The following COQ3 variants were observed in gnomAD, a reference collection of about 807,000 sequenced individuals.
The protein encoded by COQ3 is ubiquinone biosynthesis O-methyltransferase, mitochondrial.
In COQ3, 29 loss-of-function variants were observed where a neutral mutation model predicts 33.1. The ratio of observed to expected loss-of-function variants is 0.88; its 90% confidence interval spans 0.65 to 1.19. COQ3 has a LOEUF of 1.19. Ranked by LOEUF, COQ3 falls within the 50% of genes most tolerant of loss-of-function variation. The probability of loss-of-function intolerance (pLI) is 0.00; values close to 1 mark genes in which losing one functional copy is unlikely to be tolerated. For missense variants in COQ3, 437 were observed against 430.7 expected, an observed-to-expected ratio of 1.01 and a Z score of -0.13; for synonymous variants, 173 against 157.8, an observed-to-expected ratio of 1.10 and a Z score of -0.72.
chr6:99,385,223 C>A (rs961719510), intron 1 of COQ3, among the ~76,000 whole-genome samples: 3 of 152,206 alleles, frequency 2.0e-5, no homozygotes, highest in Admixed American at 6.5e-5. Context: ...CAACACTCTT[C>A]TCTCAGTAAT....
Position 99,377,040 on chromosome 6 carries a change from CT to C in COQ3, c.486+345del, listed in dbSNP as rs1774304999. Among the ~76,000 whole-genome samples the C allele has an allele frequency of 2.0e-5, 3 of 149,960 alleles. No individual in the cohort carries two copies. In the South Asian group the frequency reaches 6.4e-4, roughly 32 times the overall value. ...TGTGTGTGTATGTGTGACAGAGTCT[CT>C]CTCTGTTGCCCAGGCTGGAGTGCAG... On this transcript the variant is annotated intron_variant, in intron 4 of 6. Transcript: ENST00000254759.
rs773964144 is a variant in COQ3 at position 99,371,536 on chromosome 6, C to G, written c.781G>C (p.Ala261Pro). 6.2e-7 allele frequency: 1 copy of G among 1,607,428 alleles called. No individual in the cohort carries two copies. Among genetic ancestry groups the G allele is most frequent in the Non-Finnish European group, 8.5e-7 (1 of 1,176,786 alleles). Residue 261 changes from alanine (A) to proline (P), a missense_variant, in exon 6 of 7, where the codon GCC becomes CCC. Physicochemically the swap from Ala to Pro is conservative, Grantham distance 27. Transcript: ENST00000254759. ...TGCTCTGAAAAAACAATTCCCAAGG[C>G]ATAGGAAAGTTGTGTTTTGTTGATT... ...TTINKTQLSYALGIVFSEQIA... is the reference protein window; with the variant it reads ...TTINKTQLSYPLGIVFSEQIA...
chr6:99,378,249 A>G (rs1456399273), intron 3 of COQ3, among the ~76,000 whole-genome samples: 1 of 150,576 alleles, frequency 6.6e-6, no homozygotes, highest in Non-Finnish European at 1.5e-5. Flanking sequence ...ATATCTTAAG[A>G]TATCTTCTAT....
chr6:99,372,390 G>A (rs1482279735), intron 5 of COQ3, among the ~76,000 whole-genome samples: 4 of 151,992 alleles, frequency 2.6e-5, no homozygotes, highest in Non-Finnish European at 5.9e-5. Flanking sequence ...GCACCAGGAT[G>A]AATGCAAAGG....
At chr6:99,382,560 C>T (rs1181279902) in intron 2 of COQ3, among the ~76,000 whole-genome samples, 1 of 152,120 alleles carries the variant, frequency 6.6e-6, no homozygotes, top group Non-Finnish European at 1.5e-5. Context: ...GACTAATTTA[C>T]AATAGGTAAC....
chr6:99,385,976 C>CAAAA (rs61403627), intron 1 of COQ3, among the ~76,000 whole-genome samples: 11 of 97,738 alleles, frequency 1.1e-4, no homozygotes, highest in East Asian at 3.3e-4. Flanking sequence ...GACTCTGTCT[C>CAAAA]AAAAAAAAAA....
chr6:99,373,171 A>G (rs781649855), intron 5 of COQ3, among the ~76,000 whole-genome samples: 1 of 152,172 alleles, frequency 6.6e-6, no homozygotes, highest in Non-Finnish European at 1.5e-5. Context: ...ATGGTGGCTC[A>G]TGCCTATAAT....
chr6:99,383,794 A>C lies in COQ3; in HGVS notation c.137T>G (p.Leu46Arg), dbSNP rs1209330982. Residue 46 changes from leucine to arginine, a missense_variant, in exon 2 of 7, where the codon CTA (leucine) becomes CGA (arginine). Transcript: ENST00000254759. ...ATTGAAAACCCCTGGTTTAATCTGT[A>C]GAGTCCCACTGAGCTGGTTCTTCAC... ...VYVKNQLSGT[L>R]QIKPGVFNEY... 1.3e-6 allele frequency: 2 copies of C among 1,591,952 alleles called. No individual in the cohort carries two copies. The highest frequency in any genetic ancestry group is 2.7e-5 in the African/African-American group (2 of 73,682).
chr6:99,380,107 A>G, intron 3 of COQ3, 82 bp downstream of exon 3: 1 of 1,359,458 alleles, frequency 7.4e-7, no homozygotes, highest in Non-Finnish European at 1.0e-6. Flanking sequence ...TTAACTAGGT[A>G]TAAACTAAGA....
At chr6:99,383,365 T>C (rs1451429779) in intron 2 of COQ3, among the ~76,000 whole-genome samples, 2 of 152,240 alleles carry the variant, frequency 1.3e-5, no homozygotes, top group Non-Finnish European at 2.9e-5. Context: ...AAGCACTGCA[T>C]TGTTTGTGTC....
intron 1 of COQ3, among the ~76,000 whole-genome samples, chr6:99,385,538 A>G (rs1562208471): frequency 6.6e-6 from 1 of 152,240 alleles, no homozygotes; most frequent in South Asian, 2.1e-4. Context: ...TAAACAATCC[A>G]TAAGTCAAAG....
At chr6:99,388,847 T>C (rs773198191) in intron 1 of COQ3, among the ~76,000 whole-genome samples, 16 of 150,308 alleles carry the variant, frequency 1.1e-4, no homozygotes, top group Non-Finnish European at 1.9e-4. Context: ...AAACTCCATC[T>C]CAAAAACTAA....
intron 1 of COQ3, 101 bp downstream of exon 1, chr6:99,393,973 C>A (rs888820814): frequency 2.3e-5 from 22 of 942,104 alleles, no homozygotes; most frequent in Admixed American, 5.7e-5. Context: ...TGACCCCTCG[C>A]GAGGTCCAGA....
At chr6:99,383,668 G>C (rs758397950) in intron 2 of COQ3, 30 bp downstream of exon 2, 66 of 1,513,392 alleles carry the variant, frequency 4.4e-5, no homozygotes, top group Non-Finnish European at 5.7e-5. Context: ...ATAATTACGT[G>C]AATATTTGCC....
rs1360493107 is a variant in COQ3 at position 99,376,024 on chromosome 6, T to A, written c.645A>T (p.Thr215=). The change falls in exon 5 of 7, where the codon ACA becomes ACT. Residue 215 remains threonine (T), a synonymous_variant. Coordinates refer to ENST00000254759, the MANE Select transcript of COQ3 (RefSeq NM_017421.4). Reference sequence around the variant, plus strand: ...CTTCAGAAGCTACAACAGCATCAAATGTTTCTGCAGTCTCTTCCACAATCT... The same window carrying A: ...CTTCAGAAGCTACAACAGCATCAAAAGTTTCTGCAGTCTCTTCCACAATCT... ...LEEIVEETAE[T]FDAVVASEVV... 6.2e-7 allele frequency: 1 copy of A among 1,614,102 alleles called. No homozygotes were observed. The highest frequency in any genetic ancestry group is 1.7e-5 in the Admixed American group (1 of 60,020).
rs771884404 is a variant in COQ3, at chr6:99,380,252, C to G, written c.323G>C (p.Trp108Ser). The G allele has an allele frequency of 1.9e-6, 3 of 1,614,084 alleles. No individual in the cohort carries two copies. Among genetic ancestry groups the G allele is most frequent in the Non-Finnish European group, 2.5e-6 (3 of 1,180,000 alleles). ...AGGTGCATATACTCCTTGTTCATCC[C>G]ACCATTTGTGAGCCAGGGCCAAGAA... ...KTFLALAHKW[W>S]DEQGVYAPLH... The change falls in exon 3 of 7, where the codon TGG becomes TCG. Residue 108 changes from tryptophan (W) to serine (S), a missense_variant. Coordinates refer to ENST00000254759, the MANE Select transcript of COQ3 (RefSeq NM_017421.4).
intron 1 of COQ3, among the ~76,000 whole-genome samples, chr6:99,388,891 GCACACACACACACACA>G (rs59478225): frequency 6.6e-4 from 70 of 106,318 alleles, no homozygotes; most frequent in African/African-American, 2.0e-3. Flanking sequence ...ATGTATACAC[GCACACACACACACACA>G]CACACACACA....
Position 99,377,458 on chromosome 6 carries a change from A to G in COQ3, c.414T>C (p.Asn138=). Residue 138 remains asparagine (N), a synonymous_variant, in exon 4 of 7, where the codon AAT becomes AAC. Coordinates refer to ENST00000254759, the MANE Select transcript of COQ3 (RefSeq NM_017421.4). The stretch of plus-strand genomic sequence containing the variant: ...CCAACAAAGGTTTTCCTGGCTGGTG[A>G]TTAGGAATTGTTTTCAGAAGATTGT... ...IRDNLLKTIP[N]HQPGKPLLGM... 1 of 1,612,866 alleles carries G rather than the reference A, an allele frequency of 6.2e-7. No individual in the cohort carries two copies. Among genetic ancestry groups the G allele is most frequent in the Non-Finnish European group, 8.5e-7 (1 of 1,179,426 alleles).
chr6:99,374,500 A>G (rs867671143), intron 5 of COQ3, among the ~76,000 whole-genome samples: 1 of 152,226 alleles, frequency 6.6e-6, no homozygotes, highest in Non-Finnish European at 1.5e-5. Context: ...TAAAATTTCA[A>G]TAAGAGCTAT....
Sources: allele counts gnomAD v4.1 joint callset (sites outside exome capture counted in the v4.1 genomes callset), GRCh38; gene constraint gnomAD v4.1.1; transcripts MANE v1.5; gene names NCBI Gene and HGNC (gene_info 2026-07-23, HGNC 2026-07-21).